The following FAM120C variants were observed in gnomAD, a reference collection of about 807,000 sequenced individuals.
FAM120C encodes the protein constitutive coactivator of PPAR-gamma-like protein 2.
Under a neutral mutation model 71.2 loss-of-function variants are expected in FAM120C, and 14 were observed. The observed-to-expected ratio is 0.20, with a 90% CI of 0.13 to 0.31. FAM120C has a LOEUF of 0.31. Ranked by LOEUF, FAM120C falls within the 10% of genes least tolerant of loss-of-function variation. FAM120C has a pLI of 1.00. For synonymous variants in FAM120C, 354 were observed against 353.2 expected (o/e 1.00, Z -0.03); for missense variants, 500 against 879.0 (o/e 0.57, Z 5.45).
chrX:54,144,572 C>T (rs1384115266), intron 4 of FAM120C, among the ~76,000 whole-genome samples: 1 of 111,152 alleles, frequency 9.0e-6, no homozygotes, highest in Non-Finnish European at 1.9e-5. Flanking sequence ...ACAATTGCTT[C>T]AAAGAGAATA....
intron 2 of FAM120C, among the ~76,000 whole-genome samples, chrX:54,158,435 A>G (rs868907487): frequency 1.8e-5 from 2 of 112,091 alleles, no homozygotes; most frequent in Non-Finnish European, 3.8e-5. Context: ...AATTCAAAAC[A>G]TAATCAACTC....
chrX:54,116,858 C>T, intron 9 of FAM120C, 64 bp from the exon 10 acceptor site: 1 of 1,132,254 alleles, frequency 8.8e-7, no homozygotes, highest in Non-Finnish European at 1.2e-6. Flanking sequence ...TACGGCTAGC[C>T]ACAGGACATT....
In FAM120C at chrX:54,129,137, C is replaced by A. The variant is rs1190428551; in HGVS notation, c.2062+3555G>T. On this transcript the variant is annotated intron_variant, in intron 9 of 15. Coordinates refer to ENST00000375180, the MANE Select transcript of FAM120C (RefSeq NM_017848.6). The stretch of plus-strand genomic sequence containing the variant: ...CCTCCCTCCCGGACGGGGCGGCCGG[C>A]CGGGGCGGCTGGCCTGGCGGGGGCT... Among the ~76,000 whole-genome samples, 5 of 104,482 alleles carry A rather than the reference C, an allele frequency of 4.8e-5. No individual in the cohort carries two copies. The East Asian group carries it at 1.6e-3, about 33-fold the overall frequency. 90.7% of individuals were successfully genotyped at this position (104,482 alleles called of 115,157 possible). A position where few individuals can be genotyped will look rare whatever the true frequency, so the allele number is the denominator to read the frequency against.
At chrX:54,129,107 C>T (rs1557128663) in intron 9 of FAM120C, among the ~76,000 whole-genome samples, 1 of 105,647 alleles carries the variant, frequency 9.5e-6, no homozygotes, top group Non-Finnish European at 2.0e-5. Context: ...GGGGCTGACC[C>T]CCCACCTCCC....
intron 9 of FAM120C, among the ~76,000 whole-genome samples, chrX:54,128,004 T>C (rs1375502372): frequency 2.7e-5 from 3 of 111,580 alleles, no homozygotes; most frequent in Non-Finnish European, 5.6e-5. Flanking sequence ...CTGTATTATT[T>C]TCTATAAAGG....
At chrX:54,133,168 G>A (rs1016396904) in intron 8 of FAM120C, among the ~76,000 whole-genome samples, 1 of 111,372 alleles carries the variant, frequency 9.0e-6, no homozygotes, top group Non-Finnish European at 1.9e-5. Context: ...GTGAAACCCC[G>A]TTTCTACTAA....
chrX:54,153,939 G>A (rs2067196355), intron 3 of FAM120C, among the ~76,000 whole-genome samples: 1 of 108,735 alleles, frequency 9.2e-6, no homozygotes, highest in Admixed American at 1.0e-4. Context: ...GACCTCAAGT[G>A]ATCCACCCGC....
chrX:54,103,929 G>A (rs1267915283), intron 10 of FAM120C, among the ~76,000 whole-genome samples: 1 of 111,231 alleles, frequency 9.0e-6, no homozygotes, highest in African/African-American at 3.3e-5. Flanking sequence ...TTCATGTATC[G>A]GGATGGCACA....
At chrX:54,086,901 G>A (rs1297191228) in intron 12 of FAM120C, among the ~76,000 whole-genome samples, 2 of 110,572 alleles carry the variant, frequency 1.8e-5, no homozygotes, top group African/African-American at 3.3e-5. Flanking sequence ...TATGGATAGC[G>A]CAAAAAACTA....
chrX:54,102,038 C>CTTTTTTCT (rs2066885021), intron 10 of FAM120C, among the ~76,000 whole-genome samples: 1 of 102,731 alleles, frequency 9.7e-6, no homozygotes, highest in African/African-American at 3.5e-5. Context: ...TTTGTTTGTT[C>CTTTTTTCT]TTTTTTTTTT....
chrX:54,127,013 C>A (rs782532712), intron 9 of FAM120C, among the ~76,000 whole-genome samples: 1 of 112,046 alleles, frequency 8.9e-6, no homozygotes, highest in African/African-American at 3.2e-5. Flanking sequence ...CTGGTGGGAA[C>A]CTGCTTCCTG....
At chrX:54,129,013 G>C (rs1368912905) in intron 9 of FAM120C, among the ~76,000 whole-genome samples, 1 of 110,230 alleles carries the variant, frequency 9.1e-6, no homozygotes, top group Admixed American at 9.5e-5. Context: ...GGTGGTGGCC[G>C]GGCAGAGGGG....
At chrX:54,170,934 A>G (rs2067284665) in intron 1 of FAM120C, among the ~76,000 whole-genome samples, 1 of 111,653 alleles carries the variant, frequency 9.0e-6, no homozygotes, top group East Asian at 2.8e-4. Context: ...CTTAGGAGAA[A>G]GAGAGCGAGA....
At chrX:54,114,187 CTCTCA>C in intron 10 of FAM120C, among the ~76,000 whole-genome samples, 1 of 110,926 alleles carries the variant, frequency 9.0e-6, no homozygotes. Flanking sequence ...GTACCACATG[CTCTCA>C]CTTATAAGTG....
chrX:54,081,536 C>T (rs2066765092), intron 13 of FAM120C, 76 bp from the exon 14 acceptor site: 1 of 1,065,167 alleles, frequency 9.4e-7, no homozygotes, highest in African/African-American at 1.9e-5. Context: ...CTTTGGGAGG[C>T]TGAGTCGGGC....
chrX:54,112,824 G>C (rs1338277256), intron 10 of FAM120C, among the ~76,000 whole-genome samples: 2 of 75,267 alleles, frequency 2.7e-5, no homozygotes, highest in African/African-American at 5.0e-5. Context: ...CTGGGTGACA[G>C]AGTGAGACTC....
At chrX:54,129,155 C>T (rs1292492604) in intron 9 of FAM120C, among the ~76,000 whole-genome samples, 4 of 104,518 alleles carry the variant, frequency 3.8e-5, no homozygotes, top group Non-Finnish European at 7.9e-5. Flanking sequence ...GCTGGCCTGG[C>T]GGGGGCTGAC....
At chrX:54,080,509 T>C (rs1340315802) in intron 14 of FAM120C, among the ~76,000 whole-genome samples, 1 of 111,988 alleles carries the variant, frequency 8.9e-6, no homozygotes, top group Non-Finnish European at 1.9e-5. Context: ...ACTCTTTCAT[T>C]AAGGCAGGGC....
intron 4 of FAM120C, among the ~76,000 whole-genome samples, chrX:54,144,421 G>A (rs782105076): frequency 2.3e-4 from 26 of 112,040 alleles, no homozygotes; most frequent in Admixed American, 1.5e-3. Context: ...AAACCCCATC[G>A]TCTCAGCCCA....
Sources: allele counts gnomAD v4.1 joint callset (sites outside exome capture counted in the v4.1 genomes callset), GRCh38; gene constraint gnomAD v4.1.1; transcripts MANE v1.5; gene names NCBI Gene and HGNC (gene_info 2026-07-23, HGNC 2026-07-21).